Variants in PPP2R1B observed in about 807,000 individuals in gnomAD.
PPP2R1B encodes the protein protein phosphatase 2 scaffold subunit Abeta, also known as serine/threonine-protein phosphatase 2A 65 kDa regulatory subunit A beta isoform.
Under a neutral mutation model 72.7 loss-of-function variants are expected in PPP2R1B, and 58 were observed. That is an observed-to-expected ratio of 0.80 (90% CI 0.65 to 0.99). The LOEUF (loss-of-function observed/expected upper bound fraction) is 0.99. Among genes scored for constraint, PPP2R1B ranks in the 50% least tolerant of loss-of-function variants. The pLI, the probability that PPP2R1B is intolerant of heterozygous loss-of-function variation, is 0.00. For synonymous variants in PPP2R1B, 256 were observed against 264.6 expected (o/e 0.97, Z 0.32); for missense variants, 695 against 733.6 (o/e 0.95, Z 0.61).
At chr11:111,701,407 T>C in the PPP2R1B span, 1 of 1,595,302 alleles carries the variant, frequency 6.3e-7, no homozygotes, top group African/African-American at 1.3e-5. This position sits in a 1 kb window ranked among gnomAD's most constrained non-coding sequence, Gnocchi z 4.2. Context: ...CAAAGAGTGT[T>C]TGACGTTCTT....
downstream of PPP2R1B, chr11:111,723,936 C>G: frequency 6.2e-7 from 1 of 1,614,104 alleles, no homozygotes; most frequent in Non-Finnish European, 8.5e-7. Context: ...GACTATCCCA[C>G]TCCCTGTCAG....
chr11:111,710,311 ACT>A, the PPP2R1B span, among the ~76,000 whole-genome samples: 2 of 152,130 alleles, frequency 1.3e-5, no homozygotes, highest in Non-Finnish European at 2.9e-5. Flanking sequence ...TCTTTATCAC[ACT>A]CTGAATGGTA....
chr11:111,759,558 G>A (rs1463664271), intron 5 of PPP2R1B, among the ~76,000 whole-genome samples: 1 of 152,084 alleles, frequency 6.6e-6, no homozygotes, highest in Non-Finnish European at 1.5e-5. Context: ...TTCTAATTAT[G>A]GCTCCCATTT....
Position 111,740,874 on chromosome 11 carries a change from A to T in PPP2R1B, c.*722T>A. On this transcript the variant is annotated 3_prime_UTR_variant, in exon 15 of 15. Transcript: ENST00000527614. ...ACAGTTAAAGCTTTTTAGAAAAGAG[A>T]GAGAAGTATTTTTAAATGTAGGCAC... is the stretch of plus-strand genomic sequence containing the variant. 1 of 985,464 alleles carries T rather than the reference A, an allele frequency of 1.0e-6. No individual in the cohort carries two copies. The highest frequency in any genetic ancestry group is 1.2e-6 in the Non-Finnish European group (1 of 829,938). 61.0% of individuals were successfully genotyped at this position (985,464 alleles called of 1,614,324 possible). A position where few individuals can be genotyped will look rare whatever the true frequency, so the allele number is the denominator to read the frequency against.
At chr11:111,715,964 G>C in the PPP2R1B span, among the ~76,000 whole-genome samples, 1 of 151,980 alleles carries the variant, frequency 6.6e-6, no homozygotes, top group South Asian at 2.1e-4. Context: ...ACCACACCCA[G>C]CTAAGTTCTG....
rs1186873491 is a variant in PPP2R1B, at chr11:111,753,511, T to C, written c.1096A>G (p.Thr366Ala). Residue 366 changes from threonine to alanine, a missense_variant, in exon 9 of 15, where the codon ACT becomes GCT. Coordinates refer to ENST00000527614, the MANE Select transcript of PPP2R1B (RefSeq NM_002716.5). ...ATGGTATTTTCTTTGCCCAAAATAG[T>C]AGACAATCCCATAATTACAGAAGCT... The part of the protein sequence containing the change: ...ALASVIMGLS[T>A]ILGKENTIEH... 1.2e-6 allele frequency: 2 copies of C among 1,613,066 alleles called. No individual in the cohort carries two copies. Among genetic ancestry groups the C allele is most frequent in the Non-Finnish European group, 1.7e-6 (2 of 1,179,118 alleles).
chr11:111,698,643 G>A, the PPP2R1B span, among the ~76,000 whole-genome samples: 1 of 152,166 alleles, frequency 6.6e-6, no homozygotes, highest in Non-Finnish European at 1.5e-5. Flanking sequence ...GTTGAGGTGC[G>A]AGGACTGCAG....
At chr11:111,697,290 T>C in the PPP2R1B span, among the ~76,000 whole-genome samples, 1 of 152,222 alleles carries the variant, frequency 6.6e-6, no homozygotes, top group Non-Finnish European at 1.5e-5. Flanking sequence ...AAAGCACTTT[T>C]AAGAGGTGGG....
At chr11:111,763,482 G>A (rs1555051951) in intron 3 of PPP2R1B, among the ~76,000 whole-genome samples, 1 of 152,178 alleles carries the variant, frequency 6.6e-6, no homozygotes, top group East Asian at 1.9e-4. Flanking sequence ...TCGGGTGAGA[G>A]GCAAGAGTGG....
the PPP2R1B span, among the ~76,000 whole-genome samples, chr11:111,702,536 T>C: frequency 6.6e-6 from 1 of 152,182 alleles, no homozygotes; most frequent in Admixed American, 6.5e-5. Flanking sequence ...ATTACTGCAC[T>C]CCATCCTGGG....
At chr11:111,737,474 T>C (rs1944371581), downstream of PPP2R1B, 1 of 1,614,122 alleles carries the variant, frequency 6.2e-7, no homozygotes, top group Admixed American at 1.7e-5. Context: ...CCAGGCACTG[T>C]GGGTCTTGGG....
chr11:111,745,242 G>A (rs1944666977), intron 11 of PPP2R1B, among the ~76,000 whole-genome samples: 1 of 151,984 alleles, frequency 6.6e-6, no homozygotes, highest in Non-Finnish European at 1.5e-5. Flanking sequence ...AGTAGAGACA[G>A]GGTTTCACCA....
chr11:111,755,590 C>CT (rs1167247279), intron 5 of PPP2R1B, 140 bp from the exon 6 acceptor site: 98,378 of 449,248 alleles, frequency 0.22, 4,540 homozygotes, highest in Middle Eastern at 0.24. Context: ...ACATCTTTTT[C>CT]TTTTTTTTTT....
chr11:111,753,334 T>C, intron 9 of PPP2R1B, 109 bp downstream of exon 9: 1 of 1,401,016 alleles, frequency 7.1e-7, no homozygotes, highest in Non-Finnish European at 9.7e-7. Context: ...TAAGTTATGA[T>C]TTTTTTATCC....
At chr11:111,689,962 T>A in the PPP2R1B span, among the ~76,000 whole-genome samples, 5 of 148,640 alleles carry the variant, frequency 3.4e-5, no homozygotes, top group African/African-American at 1.3e-4. Context: ...TTTGTTATAT[T>A]CATTTGTGTG....
chr11:111,733,334 G>A (rs1394409657), downstream of PPP2R1B, among the ~76,000 whole-genome samples: 1 of 152,144 alleles, frequency 6.6e-6, no homozygotes, highest in Non-Finnish European at 1.5e-5. Context: ...GTCTGGGAGG[G>A]TGGAGACAGG....
the PPP2R1B span, chr11:111,719,945 G>A: frequency 1.2e-6 from 2 of 1,614,104 alleles, no homozygotes; most frequent in South Asian, 2.2e-5. Context: ...CACGCAGCGG[G>A]CAGAGACGGC....
At chr11:111,692,093 G>A in the PPP2R1B span, among the ~76,000 whole-genome samples, 1 of 152,038 alleles carries the variant, frequency 6.6e-6, no homozygotes, top group Non-Finnish European at 1.5e-5. Context: ...GCTTATGCCT[G>A]TAATCCTAGC....
chr11:111,742,703 T>C (rs113543555), intron 12 of PPP2R1B, 38 bp from the exon 13 acceptor site: 7 of 1,514,766 alleles, frequency 4.6e-6, no homozygotes, highest in African/African-American at 2.8e-5. Flanking sequence ...TAAAATACTT[T>C]AAAAAATTCC....
Sources: gnomAD v4.1 joint callset for allele counts (sites outside exome capture counted in the v4.1 genomes callset) on GRCh38, gnomAD v4.1.1 for gene constraint, Gnocchi (gnomAD v3.1) non-coding constraint, MANE v1.5 for transcripts, NCBI Gene and HGNC (gene_info 2026-07-23, HGNC 2026-07-21) for gene names.